DSP: variants seen among roughly 807,000 people sequenced by gnomAD.
The protein encoded by DSP is 250/210 kDa paraneoplastic pemphigus antigen.
Under a neutral mutation model 290.6 loss-of-function variants are expected in DSP, and 114 were observed. That is an observed-to-expected ratio of 0.39 (90% CI 0.34 to 0.46). The LOEUF (loss-of-function observed/expected upper bound fraction) is 0.46, where lower values mean the gene tolerates loss of function less well. Ranked by LOEUF, DSP falls within the 20% of genes least tolerant of loss-of-function variation. The probability of loss-of-function intolerance (pLI) is 0.99; values close to 1 mark genes in which losing one functional copy is unlikely to be tolerated. For synonymous variants in DSP, 1,311 were observed against 1,316.4 expected, an observed-to-expected ratio of 1.00 and a Z score of 0.09; for missense variants, 3,230 against 3,495.8, an observed-to-expected ratio of 0.92 and a Z score of 1.92.
At position 7,579,948 on chromosome 6, in the gene DSP, T is replaced by C. The variant is rs371556701; in HGVS notation, c.3758T>C (p.Ile1253Thr). 2 of 1,613,982 alleles carry C rather than the reference T, an allele frequency of 1.2e-6. No individual in the cohort carries two copies. Among genetic ancestry groups the C allele is most frequent in the African/African-American group, 1.3e-5 (1 of 74,904 alleles). The change falls in exon 23 of 24, where the codon ATT becomes ACT. Residue 1253 changes from isoleucine (I) to threonine (T), a missense_variant. Physicochemically the swap from Ile to Thr is moderately conservative, Grantham distance 89. Transcript: ENST00000379802. The surrounding 1 kb of genome is among the most constrained non-coding windows in gnomAD (Gnocchi z 4.1). ...GAAAATCGAGATCTGAAGGATGAAA[T>C]TGTCAGGCTCAATGACAGCATCTTG... ...SRENRDLKDE[I>T]VRLNDSILQA...
intron 1 of DSP, among the ~76,000 whole-genome samples, chr6:7,542,629 T>A (rs2113631091): frequency 6.6e-6 from 1 of 151,968 alleles, no homozygotes; most frequent in Admixed American, 6.5e-5. Flanking sequence ...CAAGGACGTT[T>A]GTATCAAGGC....
chr6:7,543,448 TC>T (rs1312831101), intron 1 of DSP, among the ~76,000 whole-genome samples: 21 of 151,190 alleles, frequency 1.4e-4, no homozygotes, highest in Non-Finnish European at 2.9e-4. Context: ...ATCTTGGAGT[TC>T]TTTGTTTCCT....
chr6:7,568,386 T>TAA, intron 10 of DSP, 51 bp from the exon 11 acceptor site: 1 of 1,605,286 alleles, frequency 6.2e-7, no homozygotes, highest in Non-Finnish European at 8.5e-7. Context: ...AAATCTCCTC[T>TAA]AAAACTCACA....
intron 4 of DSP, among the ~76,000 whole-genome samples, chr6:7,562,228 G>T (rs1368950613): frequency 2.0e-5 from 3 of 151,968 alleles, no homozygotes; most frequent in Non-Finnish European, 2.9e-5. Flanking sequence ...TTTAGTTTGG[G>T]GAACAGTGTA....
intron 1 of DSP, among the ~76,000 whole-genome samples, chr6:7,545,143 T>C (rs924870756): frequency 2.0e-5 from 3 of 152,316 alleles, no homozygotes; most frequent in African/African-American, 7.2e-5. Context: ...TTCAGAAATA[T>C]GTGGTTATAA....
In DSP at chr6:7,568,833, T is replaced by G. The variant is rs115367742; in HGVS notation, c.1419+244T>G. On this transcript the variant is annotated intron_variant, in intron 11 of 23. Transcript: ENST00000379802. Reference sequence around the variant, plus strand: ...AAATTCGCAAGGCTTAATACTTTTCTTCTAGTATGTCAAAGTTGTCTGTGA... The same window carrying G: ...AAATTCGCAAGGCTTAATACTTTTCGTCTAGTATGTCAAAGTTGTCTGTGA... Among the ~76,000 whole-genome samples, 1,081 of 152,328 alleles carry G rather than the reference T, an allele frequency of 7.1e-3. 16 individuals are homozygous for G. Among genetic ancestry groups the G allele is most frequent in the African/African-American group, 0.024 (999 of 41,580 alleles).
chr6:7,582,139 GGTGTGTGT>G lies in DSP; in HGVS notation c.5380-482_5380-475del, dbSNP rs10545097. On this transcript the variant is annotated intron_variant, in intron 23 of 23. Transcript: ENST00000379802. This position sits in a 1 kb window ranked among gnomAD's most constrained non-coding sequence, Gnocchi z 4.2. Reference sequence around the variant, plus strand: ...GACAATATTTGTGTGTGGCTGGGTTGGTGTGTGTGTGTGTGTGTGTGTGTGTGTATATC... The same window carrying G: ...GACAATATTTGTGTGTGGCTGGGTTGGTGTGTGTGTGTGTGTGTGTATATC... Among the ~76,000 whole-genome samples, 17 of 143,790 alleles carry G rather than the reference GGTGTGTGT, an allele frequency of 1.2e-4. No homozygotes were observed. The highest frequency in any genetic ancestry group is 2.4e-4 in the Non-Finnish European group (16 of 66,026). The allele number at this position is 143,790 out of a possible 152,430, so 94.3% of individuals were successfully genotyped here. A position where few individuals can be genotyped will look rare whatever the true frequency, so the allele number is the denominator to read the frequency against.
In DSP at chr6:7,579,581, A is replaced by T; in HGVS notation, c.3391A>T (p.Arg1131Ter). The stretch of plus-strand genomic sequence containing the variant: ...GAGAAGAAGAAAATCTGTGGAAGAC[A>T]GATTTGACCAACAGAAGAATGACTA... ...EKRRRKSVED[R>*]FDQQKNDYDQ... Residue 1131 changes from arginine (R) to a stop codon, truncating the protein, a stop_gained, in exon 23 of 24, where the codon AGA becomes TGA. Coordinates refer to ENST00000379802, the MANE Select transcript of DSP (RefSeq NM_004415.4). LOFTEE classifies it high-confidence loss of function. This position sits in a 1 kb window ranked among gnomAD's most constrained non-coding sequence, Gnocchi z 4.1. The T allele has an allele frequency of 6.2e-7, 1 of 1,614,010 alleles. No individual in the cohort carries two copies. The highest frequency in any genetic ancestry group is 8.5e-7 in the Non-Finnish European group (1 of 1,180,034).
At position 7,581,020 on chromosome 6, in the gene DSP, C is replaced by T; in HGVS notation, c.4830C>T (p.Ile1610=). 1.9e-6 allele frequency: 3 copies of T among 1,614,010 alleles called. No individual in the cohort carries two copies. Among genetic ancestry groups the T allele is most frequent in the Non-Finnish European group, 2.5e-6 (3 of 1,180,008 alleles). The change falls in exon 23 of 24, where the codon ATC becomes ATT. Residue 1610 remains isoleucine (I), a synonymous_variant. Coordinates refer to ENST00000379802, the MANE Select transcript of DSP (RefSeq NM_004415.4). ...GGAGGTCGCTGAAGGAGCAAGCCAT[C>T]AAAATCACCAACCTGACCCAGCAGC... ...GMRRSLKEQA[I]KITNLTQQLE...
Position 7,575,284 on chromosome 6 carries a change from TC to T in DSP, c.2437-10del, listed in dbSNP as rs746870396. On this transcript the variant is annotated splice_polypyrimidine_tract_variant and intron_variant, in intron 17 of 23. Transcript: ENST00000379802. ...GATTAATTTGCAATCTTTTTTTTTT[TC>T]ATCTTGCAGAAAATAAAAAATGACT... The T allele has an allele frequency of 2.5e-6, 4 of 1,613,312 alleles. No individual in the cohort carries two copies.
chr6:7,565,425 G>A lies in DSP; in HGVS notation c.844G>A (p.Glu282Lys), dbSNP rs397516966. 6.2e-7 allele frequency: 1 copy of A among 1,614,000 alleles called. No individual in the cohort carries two copies. Among genetic ancestry groups the A allele is most frequent in the African/African-American group, 1.3e-5 (1 of 74,900 alleles). The change falls in exon 7 of 24, where the codon GAG (glutamate) becomes AAG (lysine). Residue 282 changes from glutamate (E) to lysine (K), a missense_variant. This residue lies in a region of DSP where 646 missense variants were observed against 684.3 expected (regional missense o/e 0.94). Coordinates refer to ENST00000379802, the MANE Select transcript of DSP (RefSeq NM_004415.4). The surrounding 1 kb of genome is among the most constrained non-coding windows in gnomAD (Gnocchi z 4.2). ...LQNIIQATSR[E>K]IMWINDCEEE... ...GAACATCATTCAGGCCACGTCCAGG[G>A]AGATCATGTGGATCAATGACTGCGA...
intron 15 of DSP, among the ~76,000 whole-genome samples, chr6:7,573,520 G>T (rs906796334): frequency 4.0e-5 from 6 of 151,862 alleles, no homozygotes; most frequent in African/African-American, 1.5e-4. Context: ...GGAGGTTGCA[G>T]TGAGCTGAGA....
Position 7,574,789 on chromosome 6 carries a change from A to G in DSP, c.2430A>G (p.Gly810=). ...DLDKVEAYRC[G]LKKIKNDLNL... is the part of the protein sequence containing the mutation. ...ATAAAGTGGAAGCTTACCGCTGTGG[A>G]CTGAAGGTAACTTGAAAGCTTATAA... The change falls in exon 17 of 24, where the codon GGA becomes GGG. Residue 810 remains glycine, a synonymous_variant. Coordinates refer to ENST00000379802, the MANE Select transcript of DSP (RefSeq NM_004415.4). 1 of 1,614,200 alleles carries G rather than the reference A, an allele frequency of 6.2e-7. No homozygotes were observed. The highest frequency in any genetic ancestry group is 1.1e-5 in the South Asian group (1 of 91,086).
In DSP at chr6:7,570,519, T is replaced by A; in HGVS notation, c.1657T>A (p.Cys553Ser). 1 of 1,614,058 alleles carries A rather than the reference T, an allele frequency of 6.2e-7. No homozygotes were observed. Among genetic ancestry groups the A allele is most frequent in the Non-Finnish European group, 8.5e-7 (1 of 1,180,044 alleles). Reference sequence around the variant, plus strand: ...GAAGAGCCTGGTGTCCTGGCACTACTGCATGATTGACATAGAGAAGATCAG... The same window carrying A: ...GAAGAGCCTGGTGTCCTGGCACTACAGCATGATTGACATAGAGAAGATCAG... The part of the protein sequence containing the change: ...NMKSLVSWHY[C>S]MIDIEKIRAM... Residue 553 changes from cysteine to serine, a missense_variant, in exon 13 of 24, where the codon TGC (cysteine) becomes AGC (serine). Cys to Ser is a moderately radical substitution (Grantham distance 112, BLOSUM62 -1). Transcript: ENST00000379802.
At chr6:7,575,535 T>C in intron 18 of DSP, 47 bp downstream of exon 18, 1 of 1,610,514 alleles carries the variant, frequency 6.2e-7, no homozygotes, top group Non-Finnish European at 8.5e-7. Context: ...CCCCTTTTGG[T>C]TGTTCACAAG....
At position 7,558,156 on chromosome 6, in the gene DSP, G is replaced by A. The variant is rs762238621; in HGVS notation, c.314G>A (p.Arg105Gln). The A allele has an allele frequency of 2.5e-5, 40 of 1,614,196 alleles. No homozygotes were observed. The highest frequency in any genetic ancestry group is 2.5e-4 in the East Asian group (11 of 44,886). Residue 105 changes from arginine (R) to glutamine (Q), a missense_variant, in exon 3 of 24, where the codon CGA becomes CAA. By Grantham distance (43) the Arg-to-Gln change is conservative. Coordinates refer to ENST00000379802, the MANE Select transcript of DSP (RefSeq NM_004415.4). ...GATGGAATACAACTGACTCGGAGTC[G>A]AGAATTGGATGAGTGTTTTGCCCAG... ...YGDGIQLTRS[R>Q]ELDECFAQAN...
At chr6:7,558,969 T>C (rs994122696) in intron 3 of DSP, among the ~76,000 whole-genome samples, 5 of 152,044 alleles carry the variant, frequency 3.3e-5, no homozygotes, top group Admixed American at 2.0e-4. Flanking sequence ...CAAGAGAAAA[T>C]GAAAGTTGCT....
In DSP at chr6:7,582,140, GT is replaced by G. The variant is rs1183446118; in HGVS notation, c.5380-501del. On this transcript the variant is annotated intron_variant, in intron 23 of 23. Transcript: ENST00000379802. This position sits in a 1 kb window ranked among gnomAD's most constrained non-coding sequence, Gnocchi z 4.2. ...ACAATATTTGTGTGTGGCTGGGTTG[GT>G]GTGTGTGTGTGTGTGTGTGTGTGTG... Among the ~76,000 whole-genome samples, 68 of 10,152 alleles carry G rather than the reference GT, an allele frequency of 6.7e-3. No individual in the cohort carries two copies. Among genetic ancestry groups the G allele is most frequent in the Middle Eastern group, 0.12 (1 of 8 alleles). The allele number at this position is 10,152 out of a possible 152,430, so 6.7% of individuals were successfully genotyped here. A position where few individuals can be genotyped will look rare whatever the true frequency, so the allele number is the denominator to read the frequency against.
chr6:7,568,613 C>A, intron 11 of DSP, 24 bp downstream of exon 11: 1 of 1,612,830 alleles, frequency 6.2e-7, no homozygotes, highest in Non-Finnish European at 8.5e-7. Flanking sequence ...TAGAATGATA[C>A]AAAAGTTTTC....
Sources: allele counts gnomAD v4.1 joint callset (sites outside exome capture counted in the v4.1 genomes callset), GRCh38; gene constraint gnomAD v4.1.1; regional missense constraint gnomAD v4.1.1; non-coding constraint Gnocchi (gnomAD v3.1); transcripts MANE v1.5; gene names NCBI Gene and HGNC (gene_info 2026-07-23, HGNC 2026-07-21).